Variants in CAD observed in about 807,000 individuals in gnomAD.
CAD encodes multifunctional protein CAD.
CAD carries 81 observed loss-of-function variants against 237.2 expected under a neutral mutation model. That is an observed-to-expected ratio of 0.34 (90% confidence interval 0.29 to 0.41). The LOEUF (loss-of-function observed/expected upper bound fraction) is 0.41. Among genes scored for constraint, CAD ranks in the 10% least tolerant of loss-of-function variants. The pLI, the probability that CAD is intolerant of heterozygous loss-of-function variation, is 1.00. For missense variants in CAD, 2,181 were observed against 2,951.7 expected, an observed-to-expected ratio of 0.74 and a Z score of 6.05; for synonymous variants, 1,196 against 1,162.8, an observed-to-expected ratio of 1.03 and a Z score of -0.58.
intron 6 of CAD, 45 bp from the exon 7 acceptor site, chr2:27,223,518 G>A (rs1454760201): frequency 6.3e-7 from 1 of 1,578,382 alleles, no homozygotes; most frequent in South Asian, 1.1e-5. Context: ...CAGTAGTGAA[G>A]AGAGGGTGAG....
chr2:27,217,703 G>C, intron 1 of CAD, 70 bp downstream of exon 1: 1 of 1,438,294 alleles, frequency 7.0e-7, no homozygotes, highest in African/African-American at 1.4e-5. Flanking sequence ...AACCTTCCCC[G>C]TCCAGACCCC....
In CAD at chr2:27,232,717, C is replaced by T. The variant is rs1302646707; in HGVS notation, c.2892+23C>T. Reference sequence around the variant, plus strand: ...AAGGTCAGAGAGTTCATTTTCTTTCCACTTTCCTTGCTATTCTGTTCATCT... The same window carrying T: ...AAGGTCAGAGAGTTCATTTTCTTTCTACTTTCCTTGCTATTCTGTTCATCT... On this transcript the variant is annotated intron_variant, in intron 18 of 43. Transcript: ENST00000264705. This position sits in a 1 kb window ranked among gnomAD's most constrained non-coding sequence, Gnocchi z 4.1. 7 of 1,613,742 alleles carry T rather than the reference C, an allele frequency of 4.3e-6. No homozygotes were observed. The highest frequency in any genetic ancestry group is 2.2e-5 in the South Asian group (2 of 91,012).
chr2:27,217,984 C>G lies in CAD; in HGVS notation c.190C>G (p.Pro64Ala). ...TCTGATCGGCAACTATGGCATCCCCCCAGATGAAATGGATGAGTTCGGTCT... is the reference window on the plus strand; with the variant it reads ...TCTGATCGGCAACTATGGCATCCCCGCAGATGAAATGGATGAGTTCGGTCT... The part of the protein sequence containing the change: ...YPLIGNYGIP[P>A]DEMDEFGLCK... Residue 64 changes from proline to alanine, a missense_variant, in exon 2 of 44, where the codon CCA (proline) becomes GCA (alanine). By Grantham distance (27) the Pro-to-Ala change is conservative (BLOSUM62 -1). This residue lies in a region of CAD where 314 missense variants were observed against 339.4 expected (regional missense o/e 0.93). Transcript: ENST00000264705. 6.2e-7 allele frequency: 1 copy of G among 1,611,700 alleles called. No homozygotes were observed. Among genetic ancestry groups the G allele is most frequent in the Non-Finnish European group, 8.5e-7 (1 of 1,178,688 alleles).
Position 27,224,493 on chromosome 2 carries a change from G to T in CAD, c.1254+3G>T. On this transcript the variant is annotated splice_donor_region_variant and intron_variant, in intron 9 of 43. Coordinates refer to ENST00000264705, the MANE Select transcript of CAD (RefSeq NM_004341.5). ...AATTTGACTACTCGGGCTCTCAGGT[G>T]AGGCATGTTCCTCCCCACCCTTCTG... 1 of 1,613,848 alleles carries T rather than the reference G, an allele frequency of 6.2e-7. No individual in the cohort carries two copies. The highest frequency in any genetic ancestry group is 8.5e-7 in the Non-Finnish European group (1 of 1,179,824).
chr2:27,241,530 G>A lies in CAD; in HGVS notation c.5883+134G>A. On this transcript the variant is annotated intron_variant, in intron 38 of 43. Transcript: ENST00000264705. This position sits in a 1 kb window ranked among gnomAD's most constrained non-coding sequence, Gnocchi z 4.6. ...TCCCCTTATGCTAGTCCATCCCTCT[G>A]CTGCTGTAGATCTTCCCCCACGTTT... is the stretch of plus-strand genomic sequence containing the variant. The A allele has an allele frequency of 1.2e-6, 1 of 855,928 alleles. No individual in the cohort carries two copies. The highest frequency in any genetic ancestry group is 1.9e-6 in the Non-Finnish European group (1 of 527,598). 53.0% of individuals were successfully genotyped at this position (855,928 alleles called of 1,614,324 possible).
At chr2:27,231,837 A>C in intron 16 of CAD, 143 bp from the exon 17 acceptor site, 3 of 920,714 alleles carry the variant, frequency 3.3e-6, no homozygotes, top group South Asian at 1.6e-5. Context: ...AGGTAGACCC[A>C]GGATTGGTAT....
intron 15 of CAD, among the ~76,000 whole-genome samples, chr2:27,229,485 G>A (rs536634961): frequency 1.1e-3 from 166 of 151,704 alleles, no homozygotes; most frequent in African/African-American, 3.6e-3. Flanking sequence ...ATGTTGTGCC[G>A]GCTGGTCTCA....
Position 27,239,740 on chromosome 2 carries a change from C to T in CAD, c.5438C>T (p.Pro1813Leu), listed in dbSNP as rs759271221. 1 of 1,592,646 alleles carries T rather than the reference C, an allele frequency of 6.3e-7. No homozygotes were observed. Among genetic ancestry groups the T allele is most frequent in the Admixed American group, 1.8e-5 (1 of 56,586 alleles). ...TATGGACAGGATGTACGGAAGTGGC[C>T]ACAGGGGGCTGTTCCTCAGCTCCCA... Reference protein sequence around the residue: ...PGYGQDVRKWPQGAVPQLPPS... With the variant: ...PGYGQDVRKWLQGAVPQLPPS... Residue 1813 changes from proline (P) to leucine (L), a missense_variant, in exon 34 of 44, where the codon CCA (proline) becomes CTA (leucine). Physicochemically the swap from Pro to Leu is moderately conservative, Grantham distance 98 (BLOSUM62 -3). This residue lies in a region of CAD where 478 missense variants were observed against 515.0 expected (regional missense o/e 0.93). Transcript: ENST00000264705. This position sits in a 1 kb window ranked among gnomAD's most constrained non-coding sequence, Gnocchi z 4.0.
At position 27,221,227 on chromosome 2, in the gene CAD, T is replaced by A. The variant is rs759785262; in HGVS notation, c.232T>A (p.Ser78Thr). Residue 78 changes from serine (S) to threonine (T), a missense_variant, in exon 3 of 44, where the codon TCC becomes ACC. This residue lies in a region of CAD where 314 missense variants were observed against 339.4 expected (regional missense o/e 0.93). Coordinates refer to ENST00000264705, the MANE Select transcript of CAD (RefSeq NM_004341.5). The part of the protein sequence containing the change: ...DEFGLCKWFE[S>T]SGIHVAALVV... ...CTCTTTCCATCTACAGTGGTTTGAA[T>A]CCTCGGGCATCCACGTAGCAGCACT... is the stretch of plus-strand genomic sequence containing the variant. 2 of 1,543,178 alleles carry A rather than the reference T, an allele frequency of 1.3e-6. No individual in the cohort carries two copies. Among genetic ancestry groups the A allele is most frequent in the Non-Finnish European group, 1.8e-6 (2 of 1,141,138 alleles).
chr2:27,222,324 G>T lies in CAD; in HGVS notation c.483G>T (p.Glu161Asp). 2.5e-6 allele frequency: 4 copies of T among 1,612,336 alleles called. No individual in the cohort carries two copies. Among genetic ancestry groups the T allele is most frequent in the Middle Eastern group, 1.7e-4 (1 of 6,056 alleles). ...CCAATGCCCGCCCCCTGGTACCAGAGGTCTCCATTAAGGTACAGAGGTAGA... is the reference window on the plus strand; with the variant it reads ...CCAATGCCCGCCCCCTGGTACCAGATGTCTCCATTAAGGTACAGAGGTAGA... The part of the protein sequence containing the change: ...LDPNARPLVP[E>D]VSIKTPRVFN... The change falls in exon 4 of 44, where the codon GAG becomes GAT. Residue 161 changes from glutamate to aspartate, a missense_variant. This residue lies in a region of CAD where 314 missense variants were observed against 339.4 expected (regional missense o/e 0.93). Transcript: ENST00000264705.
In CAD at chr2:27,224,731, T is replaced by G. The variant is rs1558529991; in HGVS notation, c.1255-14T>G. On this transcript the variant is annotated splice_polypyrimidine_tract_variant and intron_variant, in intron 9 of 43. Transcript: ENST00000264705. The stretch of plus-strand genomic sequence containing the variant: ...TCTTCAGCAGAGGCTGAGATGCCAT[T>G]CTTGTCCTTTTAGGCAATTAAGGCC... The G allele has an allele frequency of 6.2e-7, 1 of 1,614,228 alleles. No individual in the cohort carries two copies. Among genetic ancestry groups the G allele is most frequent in the Non-Finnish European group, 8.5e-7 (1 of 1,180,032 alleles).
At position 27,233,606 on chromosome 2, in the gene CAD, A is replaced by G. The variant is rs1345833211; in HGVS notation, c.3217-20A>G. 3 of 1,613,864 alleles carry G rather than the reference A, an allele frequency of 1.9e-6. No homozygotes were observed. Among genetic ancestry groups the G allele is most frequent in the Admixed American group, 3.3e-5 (2 of 60,008 alleles). ...GGGGGAAAGTGTGAACAACTCAGCT[A>G]AGCTCCCTGCCTCCTGTAGTCTGCT... On this transcript the variant is annotated intron_variant, in intron 20 of 43. Transcript: ENST00000264705. This position sits in a 1 kb window ranked among gnomAD's most constrained non-coding sequence, Gnocchi z 6.3.
At chr2:27,229,746 C>T (rs1001417661) in intron 15 of CAD, among the ~76,000 whole-genome samples, 8 of 150,846 alleles carry the variant, frequency 5.3e-5, no homozygotes, top group Non-Finnish European at 8.9e-5. Context: ...CATGGTGGCA[C>T]GCACCTGTAG....
Position 27,236,192 on chromosome 2 carries a change from C to A in CAD, c.4075-92C>A. ...CCCTATGGGTCCTCAGTCTCCTCAT[C>A]ATGGGCTCCTGGGCCAGCTCCTCTC... is the stretch of plus-strand genomic sequence containing the variant. On this transcript the variant is annotated intron_variant, in intron 25 of 43. Coordinates refer to ENST00000264705, the MANE Select transcript of CAD (RefSeq NM_004341.5). The surrounding 1 kb of genome is among the most constrained non-coding windows in gnomAD (Gnocchi z 4.1). 1 of 1,532,038 alleles carries A rather than the reference C, an allele frequency of 6.5e-7. No individual in the cohort carries two copies. 94.9% of individuals were successfully genotyped at this position (1,532,038 alleles called of 1,614,324 possible).
At chr2:27,227,445 G>A (rs140903882) in intron 15 of CAD, 3 of 156,850 alleles carry the variant, frequency 1.9e-5, no homozygotes, top group Admixed American at 1.3e-4. Flanking sequence ...AAAAATATAC[G>A]TGTACCAGAC....
Position 27,239,250 on chromosome 2 carries a change from A to G in CAD, c.5253+18A>G. 6.2e-7 allele frequency: 1 copy of G among 1,601,228 alleles called. No homozygotes were observed. Among genetic ancestry groups the G allele is most frequent in the Non-Finnish European group, 8.5e-7 (1 of 1,170,230 alleles). On this transcript the variant is annotated intron_variant, in intron 32 of 43. Transcript: ENST00000264705. This position sits in a 1 kb window ranked among gnomAD's most constrained non-coding sequence, Gnocchi z 4.0. The stretch of plus-strand genomic sequence containing the variant: ...ATGTGGAGGTGTGGGGATGAGGCCC[A>G]GAGCAGGAGGGGGGCTCTCCAGCCC...
chr2:27,234,548 G>A lies in CAD; in HGVS notation c.3649G>A (p.Val1217Ile), dbSNP rs752815429. 5.0e-6 allele frequency: 8 copies of A among 1,614,028 alleles called. No individual in the cohort carries two copies. Among genetic ancestry groups the A allele is most frequent in the South Asian group, 2.2e-5 (2 of 91,078 alleles). ...CCAGCTGAAAGTTATTGAATGCAAC[G>A]TACGTGTCTCTCGCTCCTTCCCCTT... is the stretch of plus-strand genomic sequence containing the variant. ...DDQLKVIECN[V>I]RVSRSFPFVS... is the part of the protein sequence containing the mutation. The change falls in exon 23 of 44, where the codon GTA becomes ATA. Residue 1217 changes from valine (V) to isoleucine (I), a missense_variant. By Grantham distance (29) the Val-to-Ile change is conservative. Around this residue, in one of 12 missense-constraint regions of CAD, gnomAD observed 306 missense variants for 607.9 expected, o/e 0.50. Transcript: ENST00000264705.
chr2:27,242,464 G>T lies in CAD; in HGVS notation c.6222+37G>T. On this transcript the variant is annotated intron_variant, in intron 40 of 43. Transcript: ENST00000264705. The surrounding 1 kb of genome is among the most constrained non-coding windows in gnomAD (Gnocchi z 6.4). ...GGCAGGGTTTGGATCCCTGCCAGGGGACGATCTAGAGAGGGAGGCAGGAAG... is the reference window on the plus strand; with the variant it reads ...GGCAGGGTTTGGATCCCTGCCAGGGTACGATCTAGAGAGGGAGGCAGGAAG... The T allele has an allele frequency of 6.2e-7, 1 of 1,604,464 alleles. No homozygotes were observed. The highest frequency in any genetic ancestry group is 8.5e-7 in the Non-Finnish European group (1 of 1,173,688).
Position 27,242,147 on chromosome 2 carries a change from A to ATGGGGTT in CAD, c.6096+25_6096+31dup. ...AGGTGAGGCCAGCCTGGGTACTGAGATGGGGTTAAGAAGGCTGGACCCAGG... is the reference window on the plus strand; with the variant it reads ...AGGTGAGGCCAGCCTGGGTACTGAGATGGGGTTTGGGGTTAAGAAGGCTGGACCCAGG... On this transcript the variant is annotated intron_variant, in intron 39 of 43. Transcript: ENST00000264705. This position sits in a 1 kb window ranked among gnomAD's most constrained non-coding sequence, Gnocchi z 6.4. 1 of 1,610,148 alleles carries ATGGGGTT rather than the reference A, an allele frequency of 6.2e-7. No individual in the cohort carries two copies.
Sources: allele counts gnomAD v4.1 joint callset (sites outside exome capture counted in the v4.1 genomes callset), GRCh38; gene constraint gnomAD v4.1.1; regional missense constraint gnomAD v4.1.1; non-coding constraint Gnocchi (gnomAD v3.1); transcripts MANE v1.5; gene names NCBI Gene and HGNC (gene_info 2026-07-23, HGNC 2026-07-21).